CTTN: variants seen among roughly 807,000 people sequenced by gnomAD.
CTTN encodes the protein cortactin.
A neutral mutation model predicts 84.0 loss-of-function variants in CTTN; 28 were observed. The ratio of observed to expected loss-of-function variants is 0.33; its 90% confidence interval spans 0.25 to 0.46. The LOEUF (loss-of-function observed/expected upper bound fraction) is 0.46. Ranked by LOEUF, CTTN falls within the 20% of genes least tolerant of loss-of-function variation. The probability of loss-of-function intolerance (pLI) is 1.00; values close to 1 mark genes in which losing one functional copy is unlikely to be tolerated. For synonymous variants in CTTN, 301 were observed against 288.8 expected, an observed-to-expected ratio of 1.04 and a Z score of -0.43; for missense variants, 641 against 723.8, an observed-to-expected ratio of 0.89 and a Z score of 1.31.
intron 12 of CTTN, among the ~76,000 whole-genome samples, chr11:70,424,538 A>G (rs3781651): frequency 0.2 from 29,673 of 151,890 alleles, 3,378 homozygotes; most frequent in Admixed American, 0.25. Context: ...TGGGAGGTGA[A>G]GTTGCCCCCT....
At chr11:70,414,448 C>T in intron 5 of CTTN, 94 bp from the exon 6 acceptor site, 1 of 896,498 alleles carries the variant, frequency 1.1e-6, no homozygotes, top group South Asian at 1.5e-5. Flanking sequence ...CCTGCACTGA[C>T]CAGGATGTGG....
rs1421794387 is a variant in CTTN at position 70,435,653 on chromosome 11, G to C, written c.*491G>C. 1 of 1,596,514 alleles carries C rather than the reference G, an allele frequency of 6.3e-7. No individual in the cohort carries two copies. Among genetic ancestry groups the C allele is most frequent in the African/African-American group, 1.3e-5 (1 of 74,988 alleles). On this transcript the variant is annotated 3_prime_UTR_variant, in exon 18 of 18. Transcript: ENST00000301843. The stretch of plus-strand genomic sequence containing the variant: ...GAGGAGAGGACTGGGCCTGATGGAA[G>C]TTAACCCGGAGCTAAGTCACCCAGA...
Position 70,417,048 on chromosome 11 carries a change from C to G in CTTN, c.493C>G (p.Gln165Glu), listed in dbSNP as rs370498578. 23 of 1,614,080 alleles carry G rather than the reference C, an allele frequency of 1.4e-5. No individual in the cohort carries two copies. Among genetic ancestry groups the G allele is most frequent in the Non-Finnish European group, 1.8e-5 (21 of 1,180,032 alleles). Residue 165 changes from glutamine to glutamate, a missense_variant, in exon 8 of 18, where the codon CAG (glutamine) becomes GAG (glutamate). By Grantham distance (29) the Gln-to-Glu change is conservative. Coordinates refer to ENST00000301843, the MANE Select transcript of CTTN (RefSeq NM_005231.4). ...SSGFGGKYGV[Q>E]ADRVDKSAVG... ...TGGTTTTGGCGGCAAGTATGGCGTG[C>G]AGGCCGACCGAGTAGACAAGAGCGC...
At chr11:70,403,308 C>G (rs1320245321) in intron 1 of CTTN, among the ~76,000 whole-genome samples, 3 of 151,160 alleles carry the variant, frequency 2.0e-5, no homozygotes, top group African/African-American at 2.4e-5. Context: ...CCTGCTTCAG[C>G]CTCCCAAGTA....
Position 70,436,063 on chromosome 11 carries a change from GGGAA to G in CTTN, c.*908_*911del. 1 of 1,426,014 alleles carries G rather than the reference GGGAA, an allele frequency of 7.0e-7. No homozygotes were observed. The highest frequency in any genetic ancestry group is 1.5e-5 in the South Asian group (1 of 65,728). 88.3% of individuals were successfully genotyped at this position (1,426,014 alleles called of 1,614,324 possible). Reference sequence around the variant, plus strand: ...TGTCACAGCATGGCCTCTCGGCCTTGGGAAGGAAGGCAGTGCCTGCTCTGCTGTG... The same window carrying G: ...TGTCACAGCATGGCCTCTCGGCCTTGGGAAGGCAGTGCCTGCTCTGCTGTG... On this transcript the variant is annotated 3_prime_UTR_variant, in exon 18 of 18. Coordinates refer to ENST00000301843, the MANE Select transcript of CTTN (RefSeq NM_005231.4).
At chr11:70,420,338 T>C in intron 9 of CTTN, 62 bp from the exon 10 acceptor site, 3 of 1,081,748 alleles carry the variant, frequency 2.8e-6, no homozygotes, top group Non-Finnish European at 4.3e-6. Context: ...GAAAACATAC[T>C]TTCCACCTGT....
At chr11:70,422,402 G>C (rs753594500) in intron 11 of CTTN, 46 of 871,868 alleles carry the variant, frequency 5.3e-5, no homozygotes, top group Non-Finnish European at 7.4e-5. Flanking sequence ...GCTCTCCGTG[G>C]CATCACTGCT....
At chr11:70,421,882 CCAG>C (rs2058240560) in intron 11 of CTTN, 1 of 359,060 alleles carries the variant, frequency 2.8e-6, no homozygotes, top group African/African-American at 2.1e-5. Context: ...TCTCCGGTCT[CCAG>C]CAGCATTCTG....
chr11:70,407,839 A>G (rs914709185), intron 4 of CTTN: 10 of 470,216 alleles, frequency 2.1e-5, no homozygotes, highest in Admixed American at 1.6e-4. Context: ...ATTGCAAACA[A>G]TTTCCGTATT....
In CTTN at chr11:70,409,864, G is replaced by T; in HGVS notation, c.195G>T (p.Glu65Asp). 1 of 1,614,030 alleles carries T rather than the reference G, an allele frequency of 6.2e-7. No individual in the cohort carries two copies. Among genetic ancestry groups the T allele is most frequent in the Non-Finnish European group, 8.5e-7 (1 of 1,179,896 alleles). Reference protein sequence around the residue: ...IHKLRENVFQEHQTLKEKELE... With the variant: ...IHKLRENVFQDHQTLKEKELE... ...AGCTGAGGGAGAATGTCTTTCAAGA[G>T]CATCAGACCCTTAAGGAGAAGGAAC... The change falls in exon 5 of 18, where the codon GAG becomes GAT. Residue 65 changes from glutamate to aspartate, a missense_variant. Transcript: ENST00000301843.
intron 1 of CTTN, among the ~76,000 whole-genome samples, chr11:70,404,192 A>G (rs2058018358): frequency 6.6e-6 from 1 of 152,250 alleles, no homozygotes; most frequent in South Asian, 2.1e-4. Flanking sequence ...GAAACCAGAT[A>G]GGAAATTAAT....
At chr11:70,418,352 C>T (rs978850765) in intron 8 of CTTN, among the ~76,000 whole-genome samples, 7 of 152,236 alleles carry the variant, frequency 4.6e-5, no homozygotes, top group Non-Finnish European at 8.8e-5. Flanking sequence ...CTCCTCTTCC[C>T]GACACCACAC....
At chr11:70,406,663 C>T (rs947856811) in intron 2 of CTTN, among the ~76,000 whole-genome samples, 1 of 152,146 alleles carries the variant, frequency 6.6e-6, no homozygotes, top group African/African-American at 2.4e-5. Context: ...AAGGTGGCTG[C>T]CCACTTGCAG....
At chr11:70,426,586 A>ATT (rs755141829) in intron 13 of CTTN, among the ~76,000 whole-genome samples, 2 of 142,752 alleles carry the variant, frequency 1.4e-5, no homozygotes, top group Non-Finnish European at 1.5e-5. Context: ...GCCCAGTTAA[A>ATT]TTTTTTTTTT....
At chr11:70,404,577 A>G (rs2058022244) in intron 1 of CTTN, among the ~76,000 whole-genome samples, 1 of 152,378 alleles carries the variant, frequency 6.6e-6, no homozygotes, top group East Asian at 1.9e-4. Context: ...TGTTTTAAAA[A>G]GCTCACAGTA....
chr11:70,422,738 C>T, intron 11 of CTTN: 5 of 1,453,828 alleles, frequency 3.4e-6, no homozygotes, highest in Non-Finnish European at 3.7e-6. Flanking sequence ...CTGGCCTGTG[C>T]TCTGCTTCTC....
chr11:70,435,930 G>T lies in CTTN; in HGVS notation c.*768G>T, dbSNP rs2058413009. Reference sequence around the variant, plus strand: ...GCGGGTCTCTGGATTGGGACGCACAGTGCAGTTGAGGTCTGCGTCGGGCTT... The same window carrying T: ...GCGGGTCTCTGGATTGGGACGCACATTGCAGTTGAGGTCTGCGTCGGGCTT... On this transcript the variant is annotated 3_prime_UTR_variant, in exon 18 of 18. Transcript: ENST00000301843. 2 of 1,451,570 alleles carry T rather than the reference G, an allele frequency of 1.4e-6. No individual in the cohort carries two copies. The highest frequency in any genetic ancestry group is 5.0e-4 in the Middle Eastern group (2 of 4,010). The allele number at this position is 1,451,570 out of a possible 1,614,324, so 89.9% of individuals were successfully genotyped here. A position where few individuals can be genotyped will look rare whatever the true frequency, so the allele number is the denominator to read the frequency against.
Position 70,419,783 on chromosome 11 carries a change from C to T in CTTN, c.606C>T (p.Asp202=). ...SKGFGGKYGI[D]KDKVDKSAVG... ...GTTTCGGCGGCAAATACGGTATCGA[C>T]AAGGACAAAGTGGATAAGAGCGCCG... The change falls in exon 9 of 18, where the codon GAC becomes GAT. Residue 202 remains aspartate, a synonymous_variant. Transcript: ENST00000301843. The T allele has an allele frequency of 6.2e-7, 1 of 1,612,272 alleles. No homozygotes were observed. Among genetic ancestry groups the T allele is most frequent in the Non-Finnish European group, 8.5e-7 (1 of 1,179,706 alleles).
chr11:70,431,823 C>G (rs1423028803), intron 15 of CTTN, among the ~76,000 whole-genome samples: 1 of 152,170 alleles, frequency 6.6e-6, no homozygotes, highest in African/African-American at 2.4e-5. Flanking sequence ...GTCCCCATCC[C>G]TGAGTTACGG....
Sources: gnomAD v4.1 joint callset for allele counts (sites outside exome capture counted in the v4.1 genomes callset) on GRCh38, gnomAD v4.1.1 for gene constraint, MANE v1.5 for transcripts, NCBI Gene and HGNC (gene_info 2026-07-23, HGNC 2026-07-21) for gene names.